Variants in TENM2 observed in about 807,000 individuals in gnomAD.
TENM2 encodes the protein teneurin-2.
In TENM2, 52 loss-of-function variants were observed where a neutral mutation model predicts 245.2. The ratio of observed to expected loss-of-function variants is 0.21; its 90% CI spans 0.17 to 0.27. The LOEUF (loss-of-function observed/expected upper bound fraction) is 0.27. Ranked by LOEUF, TENM2 falls within the 10% of genes least tolerant of loss-of-function variation. The probability of loss-of-function intolerance (pLI) is 1.00; values close to 1 mark genes in which losing one functional copy is unlikely to be tolerated. For synonymous variants in TENM2, 1,363 were observed against 1,438.9 expected, an observed-to-expected ratio of 0.95 and a Z score of 1.19; for missense variants, 3,046 against 3,666.8, an observed-to-expected ratio of 0.83 and a Z score of 4.37.
intron 21 of TENM2, 88 bp from the exon 24 acceptor site, chr5:168,216,680 G>A: frequency 7.8e-7 from 1 of 1,286,408 alleles, no homozygotes; most frequent in Non-Finnish European, 1.1e-6. Flanking sequence ...TCTAAGCAGA[G>A]TGCTCAGCAA....
At chr5:168,131,239 A>C (rs974303954) in intron 12 of TENM2, among the ~76,000 whole-genome samples, 2 of 152,220 alleles carry the variant, frequency 1.3e-5, no homozygotes, top group African/African-American at 4.8e-5. Flanking sequence ...CACTCTGGGC[A>C]CTTCCCAACC....
chr5:167,640,903 A>ATC (rs1432805573), intron 2 of TENM2, among the ~76,000 whole-genome samples: 27 of 95,478 alleles, frequency 2.8e-4, no homozygotes, highest in Non-Finnish European at 5.1e-4. Context: ...ATATATATAT[A>ATC]TATCTTTCTC....
At chr5:168,004,057 A>T (rs1784615228) in intron 5 of TENM2, among the ~76,000 whole-genome samples, 1 of 152,216 alleles carries the variant, frequency 6.6e-6, no homozygotes, top group South Asian at 2.1e-4. Flanking sequence ...CAGAGACCAT[A>T]GCAAGTTGGG....
intron 2 of TENM2, among the ~76,000 whole-genome samples, chr5:167,514,519 T>A (rs1770181499): frequency 6.6e-6 from 1 of 152,154 alleles, no homozygotes; most frequent in Non-Finnish European, 1.5e-5. Context: ...AGGATCCTCA[T>A]AAAAATAAAT....
At chr5:168,127,661 T>A (rs1049721809) in intron 12 of TENM2, among the ~76,000 whole-genome samples, 3 of 152,240 alleles carry the variant, frequency 2.0e-5, no homozygotes, top group Non-Finnish European at 2.9e-5. Context: ...ACGTACCTAA[T>A]CATCCCTTTG....
chr5:167,694,315 T>C (rs760633402), intron 2 of TENM2, among the ~76,000 whole-genome samples: 8 of 152,098 alleles, frequency 5.3e-5, no homozygotes, highest in Non-Finnish European at 1.2e-4. Flanking sequence ...ATTGAATTGG[T>C]CAGGGTGTGG....
the TENM2 span, among the ~76,000 whole-genome samples, chr5:167,188,794 C>T: frequency 2.2e-4 from 34 of 152,082 alleles, no homozygotes; most frequent in South Asian, 5.6e-3. Flanking sequence ...TAAGATTATA[C>T]GAATAATATG....
intron 5 of TENM2, among the ~76,000 whole-genome samples, chr5:168,000,382 C>T (rs192670845): frequency 8.3e-4 from 127 of 152,268 alleles, no homozygotes; most frequent in African/African-American, 2.5e-3. Context: ...AGCTTGATGT[C>T]GTAGAAAGCA....
chr5:167,635,386 C>CT (rs1937426222), intron 2 of TENM2, among the ~76,000 whole-genome samples: 1 of 151,778 alleles, frequency 6.6e-6, no homozygotes, highest in Non-Finnish European at 1.5e-5. Context: ...TTTCTTTTTT[C>CT]TTTTTCTTTC....
chr5:168,202,793 C>T (rs987110543), intron 17 of TENM2, among the ~76,000 whole-genome samples: 1 of 151,934 alleles, frequency 6.6e-6, no homozygotes, highest in African/African-American at 2.4e-5. Context: ...CAGAGAATCC[C>T]CAAAGGTGAC....
intron 2 of TENM2, among the ~76,000 whole-genome samples, chr5:167,793,520 C>T (rs1005759066): frequency 4.6e-5 from 7 of 152,058 alleles, no homozygotes; most frequent in Admixed American, 1.3e-4. Context: ...TATTATCTCT[C>T]GAACCATAGT....
intron 5 of TENM2, among the ~76,000 whole-genome samples, chr5:168,024,650 G>C (rs1481372936): frequency 6.6e-6 from 1 of 152,116 alleles, no homozygotes; most frequent in Non-Finnish European, 1.5e-5. Context: ...TTCCTTTCTA[G>C]GATCTCAGGA....
intron 2 of TENM2, among the ~76,000 whole-genome samples, chr5:167,572,113 G>C (rs1256070000): frequency 6.6e-6 from 1 of 152,222 alleles, no homozygotes; most frequent in Non-Finnish European, 1.5e-5. Flanking sequence ...CATTAGGGTG[G>C]AGGTGGGGAT....
chr5:167,914,465 C>G (rs1407499668), intron 3 of TENM2, among the ~76,000 whole-genome samples: 1 of 152,180 alleles, frequency 6.6e-6, no homozygotes, highest in Non-Finnish European at 1.5e-5. Context: ...CTTATAAGAA[C>G]GCTTATGATT....
chr5:168,175,170 T>C (rs1247981942), intron 13 of TENM2, among the ~76,000 whole-genome samples: 3 of 152,202 alleles, frequency 2.0e-5, no homozygotes, highest in Non-Finnish European at 4.4e-5. Context: ...ATCAACTTCA[T>C]TGGCCTGTTG....
chr5:167,342,830 G>A (rs968611757), intron 1 of TENM2, among the ~76,000 whole-genome samples: 5 of 149,360 alleles, frequency 3.3e-5, no homozygotes, highest in East Asian at 2.0e-4. Flanking sequence ...CCCGGCCAAA[G>A]TTATTCTTTA....
intron 1 of TENM2, among the ~76,000 whole-genome samples, chr5:167,365,422 A>T (rs1759988369): frequency 6.6e-6 from 1 of 151,880 alleles, no homozygotes; most frequent in Admixed American, 6.6e-5. Context: ...TAAATAAGAT[A>T]AGTGCAGAAA....
At chr5:167,170,921 T>C in the TENM2 span, among the ~76,000 whole-genome samples, 1 of 152,174 alleles carries the variant, frequency 6.6e-6, no homozygotes, top group East Asian at 1.9e-4. Context: ...AAAACTCTTT[T>C]TTCATTTGAC....
chr5:167,389,249 AATAT>A (rs61126047), intron 2 of TENM2, among the ~76,000 whole-genome samples: 52,218 of 146,812 alleles, frequency 0.36, 9,707 homozygotes, highest in East Asian at 0.49. Flanking sequence ...GTGCATTTAA[AATAT>A]ATATATATAT....
Sources: allele counts gnomAD v4.1 joint callset (sites outside exome capture counted in the v4.1 genomes callset), GRCh38; gene constraint gnomAD v4.1.1; transcripts MANE v1.5; gene names NCBI Gene and HGNC (gene_info 2026-07-23, HGNC 2026-07-21).